Variants in RBFOX1 observed in about 807,000 individuals in gnomAD.
RBFOX1 encodes the protein RNA binding protein fox-1 homolog 1.
Under a neutral mutation model 57.7 loss-of-function variants are expected in RBFOX1, and 8 were observed. The ratio of observed to expected loss-of-function variants is 0.14; its 90% confidence interval spans 0.08 to 0.25. The LOEUF (loss-of-function observed/expected upper bound fraction) is 0.25, where lower values mean the gene tolerates loss of function less well. RBFOX1 is among the 10% of genes least tolerant of loss of function. The probability of loss-of-function intolerance (pLI) is 1.00; values close to 1 mark genes in which losing one functional copy is unlikely to be tolerated. For missense variants in RBFOX1, 611 were observed against 548.5 expected (o/e 1.11, Z -1.14); for synonymous variants, 326 against 222.4 (o/e 1.47, Z -4.15).
chr16:7,297,265 C>G (rs1265894775), intron 4 of RBFOX1, among the ~76,000 whole-genome samples: 1 of 152,146 alleles, frequency 6.6e-6, no homozygotes, highest in African/African-American at 2.4e-5. Flanking sequence ...GACAAACTAC[C>G]CCACCCTGTG....
intron 4 of RBFOX1, among the ~76,000 whole-genome samples, chr16:5,897,680 C>G (rs1303437311): frequency 6.6e-6 from 1 of 152,148 alleles, no homozygotes; most frequent in Non-Finnish European, 1.5e-5. Flanking sequence ...CCTTTTCATC[C>G]TGCCTGCAAG....
At chr16:7,492,709 G>T (rs80140727) in intron 4 of RBFOX1, among the ~76,000 whole-genome samples, 2 of 151,958 alleles carry the variant, frequency 1.3e-5, no homozygotes, top group African/African-American at 4.8e-5. Context: ...GGTGGTAGTG[G>T]CATGATAGTG....
intron 4 of RBFOX1, among the ~76,000 whole-genome samples, chr16:7,484,189 G>A (rs1400996708): frequency 6.6e-6 from 1 of 152,164 alleles, no homozygotes; most frequent in Non-Finnish European, 1.5e-5. Flanking sequence ...TCATTGCTGA[G>A]TGGTACGTCA....
chr16:5,591,252 C>CT (rs35415642), intron 2 of RBFOX1, among the ~76,000 whole-genome samples: 1,977 of 141,530 alleles, frequency 0.014, 16 homozygotes, highest in East Asian at 0.065. Flanking sequence ...CAAAATGAAC[C>CT]TTTTTTTTTT....
chr16:7,128,839 T>A (rs1600363418), intron 4 of RBFOX1, among the ~76,000 whole-genome samples: 2 of 125,730 alleles, frequency 1.6e-5, no homozygotes, highest in Admixed American at 1.7e-4. Context: ...TTTTTTTTTT[T>A]AAGACGGAGT....
At chr16:5,893,625 G>A (rs2058094603) in intron 4 of RBFOX1, among the ~76,000 whole-genome samples, 1 of 152,104 alleles carries the variant, frequency 6.6e-6, no homozygotes, top group South Asian at 2.1e-4. Flanking sequence ...TGGCCAACGT[G>A]GCAAAACCCC....
chr16:7,643,118 G>A (rs950985640), intron 11 of RBFOX1, among the ~76,000 whole-genome samples: 6 of 152,160 alleles, frequency 3.9e-5, no homozygotes, highest in Non-Finnish European at 5.9e-5. Flanking sequence ...GGAACAGCAC[G>A]CCAATTAGTT....
chr16:7,055,664 A>T (rs1395283950), intron 4 of RBFOX1, among the ~76,000 whole-genome samples: 1 of 152,210 alleles, frequency 6.6e-6, no homozygotes, highest in Non-Finnish European at 1.5e-5. Flanking sequence ...TGGCAAGGTG[A>T]ACTGGAATCT....
rs140259518 is a variant in RBFOX1 at position 7,538,043 on chromosome 16, G to A, written c.270+19654G>A. On this transcript the variant is annotated intron_variant, in intron 5 of 15. Coordinates refer to ENST00000550418, the MANE Select transcript of RBFOX1 (RefSeq NM_018723.4). The stretch of plus-strand genomic sequence containing the variant: ...CAGACATTGTCTGTGCCCGGAAAGA[G>A]TGAGAAATCAATGGAGGTACCCGCA... 9.8e-3 allele frequency among the ~76,000 whole-genome samples: 1,500 copies of A among 152,322 alleles called. 9 individuals carry two copies. The highest frequency in any genetic ancestry group is 0.016 in the Non-Finnish European group (1,095 of 68,028).
At chr16:6,280,591 A>G (rs868834641) in intron 1 of RBFOX1, among the ~76,000 whole-genome samples, 84 of 152,272 alleles carry the variant, frequency 5.5e-4, no homozygotes, top group African/African-American at 2.0e-3. Flanking sequence ...AGACAATGTA[A>G]TGTCGCAGTA....
chr16:5,899,237 T>C (rs2058247350), intron 4 of RBFOX1, among the ~76,000 whole-genome samples: 1 of 149,796 alleles, frequency 6.7e-6, no homozygotes, highest in African/African-American at 2.5e-5. Flanking sequence ...TGATGAGAAA[T>C]ACAAACACAA....
intron 3 of RBFOX1, among the ~76,000 whole-genome samples, chr16:6,972,716 C>G (rs1396398903): frequency 6.6e-6 from 1 of 151,994 alleles, no homozygotes; most frequent in Non-Finnish European, 1.5e-5. Flanking sequence ...CAGAGGTGGT[C>G]TCATGCGAAA....
chr16:5,926,078 C>G (rs1236277594), intron 4 of RBFOX1, among the ~76,000 whole-genome samples: 1 of 152,138 alleles, frequency 6.6e-6, no homozygotes, highest in Non-Finnish European at 1.5e-5. Context: ...GTTGGAGGAA[C>G]AAAGGTAAGC....
chr16:6,139,332 C>G (rs1456000785), intron 1 of RBFOX1, among the ~76,000 whole-genome samples: 1 of 152,152 alleles, frequency 6.6e-6, no homozygotes, highest in Non-Finnish European at 1.5e-5. Context: ...CTGCATCACA[C>G]AGACCAAGGT....
intron 3 of RBFOX1, among the ~76,000 whole-genome samples, chr16:6,710,306 T>C (rs1460462482): frequency 2.0e-5 from 3 of 152,230 alleles, no homozygotes; most frequent in African/African-American, 7.2e-5. Context: ...GTACTTTTAG[T>C]TTTTTAATGA....
intron 2 of RBFOX1, among the ~76,000 whole-genome samples, chr16:6,572,018 T>A (rs2097351578): frequency 6.6e-6 from 1 of 152,204 alleles, no homozygotes; most frequent in Non-Finnish European, 1.5e-5. Flanking sequence ...TTACATGGCC[T>A]GTATAAGTAT....
intron 1 of RBFOX1, among the ~76,000 whole-genome samples, chr16:5,409,138 G>A (rs1448205955): frequency 6.6e-6 from 1 of 152,238 alleles, no homozygotes; most frequent in East Asian, 1.9e-4. Flanking sequence ...AGGAATCAGA[G>A]AGAATGCAGA....
At chr16:7,481,225 G>A (rs1226558457) in intron 4 of RBFOX1, among the ~76,000 whole-genome samples, 1 of 152,148 alleles carries the variant, frequency 6.6e-6, no homozygotes, top group South Asian at 2.1e-4. Context: ...AAGTACTTGG[G>A]ATAAAATATA....
intron 4 of RBFOX1, among the ~76,000 whole-genome samples, chr16:7,258,998 C>G (rs566205532): frequency 1.8e-4 from 28 of 152,278 alleles, no homozygotes; most frequent in Admixed American, 1.2e-3. Flanking sequence ...CCCTTGTATT[C>G]CCTCACCTCT....
Sources: gnomAD v4.1 joint callset for allele counts (sites outside exome capture counted in the v4.1 genomes callset) on GRCh38, gnomAD v4.1.1 for gene constraint, MANE v1.5 for transcripts, NCBI Gene and HGNC (gene_info 2026-07-23, HGNC 2026-07-21) for gene names.